The following C1orf21 variants were observed in gnomAD, a reference collection of about 807,000 sequenced individuals.
C1orf21 encodes the protein chromosome 1 open reading frame 21.
Under a neutral mutation model 18.7 loss-of-function variants are expected in C1orf21, and 3 were observed. The ratio of observed to expected loss-of-function variants is 0.16; its 90% CI spans 0.07 to 0.42. The LOEUF is 0.42. Ranked by LOEUF, C1orf21 falls within the 10% of genes least tolerant of loss-of-function variation. The pLI, the probability that C1orf21 is intolerant of heterozygous loss-of-function variation, is 0.99. For synonymous variants in C1orf21, 41 were observed against 46.4 expected (o/e 0.88, Z 0.47); for missense variants, 104 against 143.6 (o/e 0.72, Z 1.41).
In C1orf21 at chr1:184,619,566, TACC is replaced by T. The variant is rs1291921216; in HGVS notation, c.*13_*15del. 1.9e-6 allele frequency: 3 copies of T among 1,613,414 alleles called. No homozygotes were observed. Among genetic ancestry groups the T allele is most frequent in the Non-Finnish European group, 1.7e-6 (2 of 1,179,660 alleles). ...AGAGGATATCACATAGCACCAATTT[TACC>T]ACTCAAACCAGGAGCTACTACTGTG... On this transcript the variant is annotated 3_prime_UTR_variant, in exon 6 of 6. Coordinates refer to ENST00000235307, the MANE Select transcript of C1orf21 (RefSeq NM_030806.4).
intron 1 of C1orf21, among the ~76,000 whole-genome samples, chr1:184,389,940 A>T (rs974882195): frequency 2.6e-5 from 4 of 152,198 alleles, no homozygotes; most frequent in Non-Finnish European, 5.9e-5. Flanking sequence ...CAGCCATATA[A>T]TGAGGCATCT....
At chr1:184,566,581 C>T (rs989943279) in intron 3 of C1orf21, 1 of 375,124 alleles carries the variant, frequency 2.7e-6, no homozygotes, top group African/African-American at 2.1e-5. Flanking sequence ...GGTTTCTTCT[C>T]CAAACCAAGA....
rs1288906527 is a variant in C1orf21, at chr1:184,621,884, C to G, written c.*2328C>G. 1 of 152,178 alleles carries G rather than the reference C, an allele frequency of 6.6e-6. No individual in the cohort carries two copies. Among genetic ancestry groups the G allele is most frequent in the East Asian group, 1.9e-4 (1 of 5,194 alleles). 9.4% of individuals were successfully genotyped at this position (152,178 alleles called of 1,614,324 possible). ...CATCTTTGATGTGCGAAAGTGAGTTCATCTTCAGACACATTTGGTACATCC... is the reference window on the plus strand; with the variant it reads ...CATCTTTGATGTGCGAAAGTGAGTTGATCTTCAGACACATTTGGTACATCC... On this transcript the variant is annotated 3_prime_UTR_variant, in exon 6 of 6. Coordinates refer to ENST00000235307, the MANE Select transcript of C1orf21 (RefSeq NM_030806.4).
chr1:184,516,378 C>T (rs939820363), intron 3 of C1orf21, among the ~76,000 whole-genome samples: 1 of 152,158 alleles, frequency 6.6e-6, no homozygotes, highest in South Asian at 2.1e-4. Context: ...CTACATCCCC[C>T]GCACCTATGG....
rs200336879 is a variant in C1orf21 at position 184,617,904 on chromosome 1, G to T, written c.328-1614G>T. On this transcript the variant is annotated intron_variant, in intron 5 of 5. Transcript: ENST00000235307. ...CATTGTGTGGCAGTTTGTTGTTGTT[G>T]TTTTTTTTTTTTTTTTTTTTTTTGA... is the stretch of plus-strand genomic sequence containing the variant. Among the ~76,000 whole-genome samples the T allele has an allele frequency of 8.5e-3, 747 of 87,478 alleles. 4 individuals are homozygous for T. Among genetic ancestry groups the T allele is most frequent in the East Asian group, 0.025 (65 of 2,628 alleles). The allele number at this position is 87,478 out of a possible 152,430, so 57.4% of individuals were successfully genotyped here. A position where few individuals can be genotyped will look rare whatever the true frequency, so the allele number is the denominator to read the frequency against.
chr1:184,538,136 GT>G (rs1658588977), intron 3 of C1orf21, among the ~76,000 whole-genome samples: 1 of 152,116 alleles, frequency 6.6e-6, no homozygotes, highest in Non-Finnish European at 1.5e-5. Context: ...TATTTTCTGG[GT>G]TTTCATGAGA....
chr1:184,406,333 A>C (rs1055046195), intron 1 of C1orf21, among the ~76,000 whole-genome samples: 1 of 152,190 alleles, frequency 6.6e-6, no homozygotes, highest in South Asian at 2.1e-4. Context: ...TTTGGATCTT[A>C]AATATTGTCA....
chr1:184,406,399 GA>G (rs934474033), intron 1 of C1orf21, among the ~76,000 whole-genome samples: 19 of 151,878 alleles, frequency 1.3e-4, no homozygotes, highest in African/African-American at 2.4e-4. Context: ...TTAAGAGAAG[GA>G]AAAAAAACAT....
intron 4 of C1orf21, among the ~76,000 whole-genome samples, chr1:184,596,487 T>G (rs1279033066): frequency 1.4e-5 from 2 of 145,564 alleles, no homozygotes; most frequent in African/African-American, 4.9e-5. Context: ...AAAAATGCCG[T>G]TTTTTATGAG....
At chr1:184,574,625 A>C (rs967982863) in intron 3 of C1orf21, among the ~76,000 whole-genome samples, 28 of 152,048 alleles carry the variant, frequency 1.8e-4, no homozygotes, top group African/African-American at 6.8e-4. Flanking sequence ...AAAGATTTTC[A>C]CTTAAGTGGA....
intron 4 of C1orf21, among the ~76,000 whole-genome samples, chr1:184,592,979 C>A (rs1659460568): frequency 6.6e-6 from 1 of 152,176 alleles, no homozygotes; most frequent in South Asian, 2.1e-4. Flanking sequence ...CCGCAACCTC[C>A]CTAGCCCACC....
intron 1 of C1orf21, among the ~76,000 whole-genome samples, chr1:184,411,665 G>T (rs899076647): frequency 6.6e-6 from 1 of 151,932 alleles, no homozygotes; most frequent in Non-Finnish European, 1.5e-5. Context: ...CTCGTGATCC[G>T]CCCGCCTTGG....
At position 184,410,885 on chromosome 1, in the gene C1orf21, C is replaced by G. The variant is rs979005293; in HGVS notation, c.-125+23517C>G. ...CAGGCTGGTCTCGCTCTCCTGACGT[C>G]AGATGATACACCCGCCTTGGCCTGC... is the stretch of plus-strand genomic sequence containing the variant. On this transcript the variant is annotated intron_variant, in intron 1 of 5. Coordinates refer to ENST00000235307, the MANE Select transcript of C1orf21 (RefSeq NM_030806.4). Among the ~76,000 whole-genome samples, 13 of 150,034 alleles carry G rather than the reference C, an allele frequency of 8.7e-5. No homozygotes were observed. In the East Asian group the frequency reaches 9.9e-4, roughly 11 times the overall value.
At chr1:184,552,491 C>A (rs1249459685) in intron 3 of C1orf21, among the ~76,000 whole-genome samples, 1 of 152,094 alleles carries the variant, frequency 6.6e-6, no homozygotes, top group African/African-American at 2.4e-5. Context: ...ATAGCCACAA[C>A]CTTTCTGGAT....
intron 3 of C1orf21, among the ~76,000 whole-genome samples, chr1:184,586,504 G>T (rs61825241): frequency 0.13 from 20,072 of 151,738 alleles, 1,477 homozygotes; most frequent in East Asian, 0.19. Context: ...AGGATGGTCT[G>T]GATCTCCTGA....
intron 1 of C1orf21, among the ~76,000 whole-genome samples, chr1:184,456,727 C>T (rs1001145244): frequency 2.0e-5 from 3 of 152,110 alleles, no homozygotes; most frequent in Admixed American, 6.6e-5. Flanking sequence ...TGACTCCATC[C>T]GATAGGCACA....
intron 2 of C1orf21, among the ~76,000 whole-genome samples, chr1:184,493,508 T>G (rs1488036883): frequency 1.3e-5 from 2 of 152,220 alleles, no homozygotes; most frequent in South Asian, 2.1e-4. Context: ...TGATTTTCAT[T>G]TGAAAACCAC....
intron 3 of C1orf21, among the ~76,000 whole-genome samples, chr1:184,556,974 AT>A (rs1164475169): frequency 6.6e-6 from 1 of 152,074 alleles, no homozygotes; most frequent in Admixed American, 6.6e-5. Context: ...AATGGCTGGT[AT>A]TTTTTTATAT....
intron 1 of C1orf21, among the ~76,000 whole-genome samples, chr1:184,457,097 A>G (rs530471924): frequency 2.0e-4 from 30 of 152,190 alleles, no homozygotes; most frequent in Non-Finnish European, 3.8e-4. Context: ...AGTATTTTAA[A>G]GTTGTAAATA....
Sources: allele counts gnomAD v4.1 joint callset (sites outside exome capture counted in the v4.1 genomes callset), GRCh38; gene constraint gnomAD v4.1.1; transcripts MANE v1.5; gene names NCBI Gene and HGNC (gene_info 2026-07-23, HGNC 2026-07-21).